The following WDR35 variants were observed in gnomAD, a reference collection of about 807,000 sequenced individuals.
WDR35 encodes WD repeat-containing protein 35.
Under a neutral mutation model 158.3 loss-of-function variants are expected in WDR35, and 118 were observed. That is an observed-to-expected ratio of 0.75 (90% CI 0.64 to 0.87). The LOEUF (loss-of-function observed/expected upper bound fraction) is 0.87. Among genes scored for constraint, WDR35 ranks in the 40% least tolerant of loss-of-function variants. WDR35 has a pLI of 0.00. For missense variants in WDR35, 1,263 were observed against 1,405.8 expected, an observed-to-expected ratio of 0.90 and a Z score of 1.62; for synonymous variants, 448 against 476.1, an observed-to-expected ratio of 0.94 and a Z score of 0.77.
chr2:19,954,070 C>A, intron 11 of WDR35, 92 bp from the exon 12 acceptor site: 1 of 1,461,948 alleles, frequency 6.8e-7, no homozygotes, highest in Middle Eastern at 2.0e-4. Context: ...GAGTTCAACC[C>A]CTCATTTTAT....
intron 25 of WDR35, among the ~76,000 whole-genome samples, chr2:19,919,627 A>T (rs552136467): frequency 6.6e-6 from 1 of 152,296 alleles, no homozygotes; most frequent in East Asian, 1.9e-4. Context: ...CCACATGGGA[A>T]AGCAGGAAAG....
At chr2:19,988,258 A>G (rs2103472647) in intron 2 of WDR35, among the ~76,000 whole-genome samples, 1 of 152,322 alleles carries the variant, frequency 6.6e-6, no homozygotes, top group African/African-American at 2.4e-5. Flanking sequence ...TACATGGAAA[A>G]TCGTCAATAA....
At chr2:19,978,990 G>T in intron 4 of WDR35, 111 bp from the exon 5 acceptor site, 2 of 1,356,140 alleles carry the variant, frequency 1.5e-6, no homozygotes, top group Non-Finnish European at 1.0e-6. Context: ...TAACTGCAAA[G>T]TTTTCTACAA....
chr2:19,937,936 C>T lies in WDR35; in HGVS notation c.2074G>A (p.Ala692Thr). 1 of 1,614,066 alleles carries T rather than the reference C, an allele frequency of 6.2e-7. No individual in the cohort carries two copies. The highest frequency in any genetic ancestry group is 8.5e-7 in the Non-Finnish European group (1 of 1,180,002). ...TCCAGTTTCTGAAGAGCTGCTTCAG[C>T]CAGTAGGCGCCTTTATTTTAAAAGA... is the stretch of plus-strand genomic sequence containing the variant. ...NPHPRLWRLL[A>T]EAALQKLDLY... is the part of the protein sequence containing the mutation. The change falls in exon 19 of 27, where the codon GCT becomes ACT. Residue 692 changes from alanine to threonine, a missense_variant. Coordinates refer to ENST00000281405, the MANE Select transcript of WDR35 (RefSeq NM_020779.4).
chr2:19,978,130 T>C (rs923594734), intron 5 of WDR35, among the ~76,000 whole-genome samples: 5 of 152,078 alleles, frequency 3.3e-5, no homozygotes, highest in Admixed American at 1.3e-4. Context: ...CCTAAAATGA[T>C]AGCTGTTGCT....
chr2:19,984,393 C>T (rs1422839867), intron 2 of WDR35, among the ~76,000 whole-genome samples: 1 of 152,176 alleles, frequency 6.6e-6, no homozygotes, highest in Non-Finnish European at 1.5e-5. Context: ...CATTCAGTTA[C>T]ATTACTAGAC....
At chr2:19,948,327 A>G in intron 13 of WDR35, 110 bp from the exon 14 acceptor site, 3 of 993,772 alleles carry the variant, frequency 3.0e-6, no homozygotes, top group Non-Finnish European at 4.6e-6. Flanking sequence ...TAACTTAACC[A>G]ACATTTATTT....
At chr2:19,964,453 G>A (rs1671777948) in intron 10 of WDR35, among the ~76,000 whole-genome samples, 1 of 139,828 alleles carries the variant, frequency 7.2e-6, no homozygotes, top group Admixed American at 7.8e-5. Context: ...GCGTGATCTC[G>A]GCCCACCGCA....
At chr2:19,926,539 T>C (rs1227876014) in intron 25 of WDR35, among the ~76,000 whole-genome samples, 1 of 152,248 alleles carries the variant, frequency 6.6e-6, no homozygotes, top group Non-Finnish European at 1.5e-5. Flanking sequence ...TATGATTTCA[T>C]ACAGATGAAC....
intron 8 of WDR35, 87 bp from the exon 9 acceptor site, chr2:19,969,692 G>T: frequency 7.2e-7 from 1 of 1,381,626 alleles, no homozygotes; most frequent in Non-Finnish European, 1.0e-6. Context: ...GATCAAAAGT[G>T]GTATGAACAT....
chr2:19,931,238 T>C (rs1427190891), intron 24 of WDR35, 31 bp downstream of exon 24: 4 of 1,604,154 alleles, frequency 2.5e-6, no homozygotes, highest in Non-Finnish European at 3.4e-6. Flanking sequence ...ACACTTCCAA[T>C]GATGTAATGT....
chr2:19,948,006 G>A (rs1206728826), intron 14 of WDR35, among the ~76,000 whole-genome samples, 158 bp downstream of exon 14: 3 of 151,644 alleles, frequency 2.0e-5, no homozygotes, highest in Admixed American at 1.3e-4. Context: ...GTTTCACTAT[G>A]TTCTCAGTCT....
chr2:19,950,674 C>T (rs890729756), intron 13 of WDR35, among the ~76,000 whole-genome samples: 27 of 152,048 alleles, frequency 1.8e-4, no homozygotes, highest in African/African-American at 6.5e-4. Flanking sequence ...TCAAAAAATA[C>T]TTAATTGAAA....
Position 19,930,295 on chromosome 2 carries a change from A to AATGAGAGGTGCCTTT in WDR35, c.3121+100_3121+101insAAAGGCACCTCTCAT. 3 of 1,540,386 alleles carry AATGAGAGGTGCCTTT rather than the reference A, an allele frequency of 1.9e-6. 1 individual carries two copies. In the South Asian group the frequency reaches 3.4e-5, roughly 17 times the overall value. On this transcript the variant is annotated intron_variant, in intron 25 of 26. Transcript: ENST00000281405. ...ATAGGAAAATAAATCCATAGGAAAA[A>AATGAGAGGTGCCTTT]ATGTTATTGAAGGCCACATAAAGGC...
Position 19,975,559 on chromosome 2 carries a change from G to GTT in WDR35, c.540_541insAA (p.His181AsnfsTer11). On this transcript the variant is annotated frameshift_variant, in exon 6 of 27. Transcript: ENST00000281405. LOFTEE classifies it high-confidence loss of function. ...AAATTTCCTTGATTATCGTAAATGT[G>GTT]TATTTCCCCATTTGCCATTCCAAAA... The GTT allele has an allele frequency of 6.2e-7, 1 of 1,613,796 alleles. No homozygotes were observed. Among genetic ancestry groups the GTT allele is most frequent in the Non-Finnish European group, 8.5e-7 (1 of 1,179,826 alleles).
chr2:19,960,507 C>T (rs949635694), intron 11 of WDR35, 47 bp downstream of exon 11: 2 of 1,486,944 alleles, frequency 1.3e-6, no homozygotes, highest in South Asian at 1.2e-5. Flanking sequence ...ATTAGTGTTA[C>T]AAATAAAACC....
chr2:19,980,083 T>C (rs1205199141), intron 4 of WDR35, among the ~76,000 whole-genome samples: 1 of 152,150 alleles, frequency 6.6e-6, no homozygotes, highest in Non-Finnish European at 1.5e-5. Context: ...AAAATCTGTA[T>C]CCATAAAAGA....
chr2:19,964,381 C>T (rs1032227096), intron 10 of WDR35, among the ~76,000 whole-genome samples: 69 of 113,310 alleles, frequency 6.1e-4, no homozygotes, highest in Non-Finnish European at 6.7e-4. Flanking sequence ...CTTTTCTTTT[C>T]TTTTTTTTTT....
intron 4 of WDR35, among the ~76,000 whole-genome samples, chr2:19,979,307 T>C (rs1000988029): frequency 1.3e-5 from 2 of 152,146 alleles, no homozygotes; most frequent in African/African-American, 2.4e-5. Context: ...CATATGCACA[T>C]AAACTCTCCA....
Sources: allele counts gnomAD v4.1 joint callset (sites outside exome capture counted in the v4.1 genomes callset), GRCh38; gene constraint gnomAD v4.1.1; transcripts MANE v1.5; gene names NCBI Gene and HGNC (gene_info 2026-07-23, HGNC 2026-07-21).